CTNNA3: variants seen among roughly 807,000 people sequenced by gnomAD.
The protein encoded by CTNNA3 is catenin alpha 3, also known as catenin alpha-3.
A neutral mutation model predicts 95.7 loss-of-function variants in CTNNA3; 76 were observed. That is an observed-to-expected ratio of 0.79 (90% CI 0.66 to 0.96). The LOEUF (loss-of-function observed/expected upper bound fraction) is 0.96. Ranked by LOEUF, CTNNA3 falls within the 40% of genes least tolerant of loss-of-function variation. The pLI is 0.00. For synonymous variants in CTNNA3, 431 were observed against 374.4 expected (o/e 1.15, Z -1.74); for missense variants, 1,191 against 1,089.8 (o/e 1.09, Z -1.31).
intron 9 of CTNNA3, among the ~76,000 whole-genome samples, chr10:66,752,169 G>T (rs1161365083): frequency 3.3e-5 from 5 of 151,630 alleles, no homozygotes; most frequent in Non-Finnish European, 5.9e-5. Context: ...AAAAGAAAGA[G>T]GACTGACAAC....
At chr10:67,475,037 C>T (rs1197419572) in intron 5 of CTNNA3, among the ~76,000 whole-genome samples, 1 of 152,072 alleles carries the variant, frequency 6.6e-6, no homozygotes, top group Non-Finnish European at 1.5e-5. Context: ...TATCCTTCAG[C>T]TAATGAATAG....
At chr10:65,995,083 A>T (rs1033028968) in intron 15 of CTNNA3, among the ~76,000 whole-genome samples, 1 of 150,722 alleles carries the variant, frequency 6.6e-6, no homozygotes, top group Non-Finnish European at 1.5e-5. Context: ...TGTATTCTTT[A>T]TCTGTGTTCT....
In CTNNA3 at chr10:66,280,540, T is replaced by G. The variant is rs763853559; in HGVS notation, c.1814A>C (p.Gln605Pro). The G allele has an allele frequency of 3.7e-6, 6 of 1,610,128 alleles. No homozygotes were observed. The Admixed American group carries it at 6.7e-5, about 18-fold the overall frequency. ...KSSLNVLDDN[Q>P]FVDISKKIYD... ...GATCTTCTTTGAGATGTCCACAAAT[T>G]GATTATCATCCAACACATTCAATGA... is the stretch of plus-strand genomic sequence containing the variant. Residue 605 changes from glutamine to proline, a missense_variant, in exon 13 of 18, where the codon CAA becomes CCA. By Grantham distance (76) the Gln-to-Pro change is moderately conservative (BLOSUM62 -1). Coordinates refer to ENST00000433211, the MANE Select transcript of CTNNA3 (RefSeq NM_013266.4).
intron 12 of CTNNA3, among the ~76,000 whole-genome samples, chr10:66,282,926 A>T (rs557965703): frequency 6.6e-6 from 1 of 151,996 alleles, no homozygotes; most frequent in South Asian, 2.1e-4. Flanking sequence ...ATTAATATGT[A>T]AAATCAAGCA....
chr10:67,509,064 C>T (rs1017766990), intron 5 of CTNNA3, among the ~76,000 whole-genome samples: 4 of 151,846 alleles, frequency 2.6e-5, no homozygotes, highest in South Asian at 2.1e-4. Flanking sequence ...TTAGTAGAGA[C>T]GGGGTTTCAC....
chr10:66,899,522 G>A (rs1445453700), intron 7 of CTNNA3, among the ~76,000 whole-genome samples: 1 of 152,176 alleles, frequency 6.6e-6, no homozygotes, highest in Non-Finnish European at 1.5e-5. Flanking sequence ...GCAGCCCACG[G>A]AGGGTGAGCC....
chr10:66,247,212 A>G (rs2090368304), intron 13 of CTNNA3, among the ~76,000 whole-genome samples: 2 of 152,266 alleles, frequency 1.3e-5, no homozygotes, highest in East Asian at 3.9e-4. Context: ...GAGCTAAAAG[A>G]AGAAGTAGAG....
At chr10:66,387,309 G>C (rs1371285156) in intron 11 of CTNNA3, among the ~76,000 whole-genome samples, 1 of 152,032 alleles carries the variant, frequency 6.6e-6, no homozygotes, top group African/African-American at 2.4e-5. Context: ...CTTCTCAAAA[G>C]AAGACATCTA....
chr10:66,719,902 G>A (rs764508599), intron 9 of CTNNA3, among the ~76,000 whole-genome samples: 2 of 152,042 alleles, frequency 1.3e-5, no homozygotes, highest in Admixed American at 1.3e-4. Flanking sequence ...CCTCTCAGGC[G>A]GGAATATGGA....
rs183576050 is a variant in CTNNA3 at position 66,418,012 on chromosome 10, T to A, written c.1532-38660A>T. 1.4e-4 allele frequency among the ~76,000 whole-genome samples: 21 copies of A among 148,192 alleles called. No homozygotes were observed. The East Asian group carries it at 3.6e-3, about 25-fold the overall frequency. On this transcript the variant is annotated intron_variant, in intron 11 of 17. Coordinates refer to ENST00000433211, the MANE Select transcript of CTNNA3 (RefSeq NM_013266.4). ...AGCAGGAGGCAAGAAATAATAAAGA[T>A]CAGAGCAGAACTAAATGAATCAGAA...
At chr10:66,116,142 G>A (rs995614366) in intron 13 of CTNNA3, among the ~76,000 whole-genome samples, 3 of 152,198 alleles carry the variant, frequency 2.0e-5, no homozygotes, top group Non-Finnish European at 4.4e-5. Flanking sequence ...CCTATTTGTA[G>A]AGGCAAGTGA....
chr10:67,702,140 C>G (rs1252589615), intron 1 of CTNNA3, among the ~76,000 whole-genome samples: 1 of 152,110 alleles, frequency 6.6e-6, no homozygotes, highest in East Asian at 1.9e-4. Context: ...TCCTGAGTGA[C>G]CTACAAAGAG....
At chr10:67,662,474 G>A (rs1840216766) in intron 1 of CTNNA3, among the ~76,000 whole-genome samples, 1 of 152,192 alleles carries the variant, frequency 6.6e-6, no homozygotes, top group African/African-American at 2.4e-5. Flanking sequence ...ATCTACAAGT[G>A]AATGGATAAA....
At chr10:66,423,105 T>TAGC (rs1415625635) in intron 11 of CTNNA3, among the ~76,000 whole-genome samples, 1 of 152,164 alleles carries the variant, frequency 6.6e-6, no homozygotes, top group African/African-American at 2.4e-5. Context: ...CTAGGGCTAC[T>TAGC]AGGCTATATA....
At chr10:66,346,556 C>T (rs980177149) in intron 12 of CTNNA3, among the ~76,000 whole-genome samples, 2 of 151,864 alleles carry the variant, frequency 1.3e-5, no homozygotes, top group South Asian at 2.1e-4. Flanking sequence ...GGATTACAGG[C>T]GTGAGCCACC....
At chr10:66,105,864 A>T (rs1331830905) in intron 13 of CTNNA3, among the ~76,000 whole-genome samples, 2 of 152,198 alleles carry the variant, frequency 1.3e-5, no homozygotes, top group African/African-American at 4.8e-5. Context: ...TTTAAGTGGA[A>T]ACTAAGAAAG....
chr10:67,235,992 A>G (rs1589066933), intron 5 of CTNNA3, among the ~76,000 whole-genome samples: 2 of 147,696 alleles, frequency 1.4e-5, no homozygotes, highest in Admixed American at 1.3e-4. Flanking sequence ...AATGGCAGTC[A>G]TTAAAAAGTC....
rs376837830 is a variant in CTNNA3, at chr10:66,896,831, A to G, written c.1048-121307T>C. ...CCTTTAACCTGGTTAACTTCTGACC[A>G]TTCTGTAGGAGTCGGCTCAAGGCCT... On this transcript the variant is annotated intron_variant, in intron 7 of 17. Transcript: ENST00000433211. Among the ~76,000 whole-genome samples, 12 of 152,134 alleles carry G rather than the reference A, an allele frequency of 7.9e-5. 1 individual carries two copies. In the East Asian group the frequency reaches 9.6e-4, roughly 12 times the overall value.
chr10:67,331,082 T>A (rs1841775555), intron 5 of CTNNA3, among the ~76,000 whole-genome samples: 2 of 152,250 alleles, frequency 1.3e-5, no homozygotes, highest in African/African-American at 4.8e-5. Context: ...AAATTGCTTT[T>A]AAGTCTTTAC....
Sources: allele counts gnomAD v4.1 joint callset (sites outside exome capture counted in the v4.1 genomes callset), GRCh38; gene constraint gnomAD v4.1.1; transcripts MANE v1.5; gene names NCBI Gene and HGNC (gene_info 2026-07-23, HGNC 2026-07-21).